BBS9: variants seen among roughly 807,000 people sequenced by gnomAD.
BBS9 encodes the protein protein PTHB1.
A neutral mutation model predicts 117.7 loss-of-function variants in BBS9; 89 were observed. That is an observed-to-expected ratio of 0.76 (90% CI 0.64 to 0.90). The LOEUF is 0.90. Ranked by LOEUF, BBS9 falls within the 40% of genes least tolerant of loss-of-function variation. The pLI is 0.00. For synonymous variants in BBS9, 379 were observed against 370.9 expected, an observed-to-expected ratio of 1.02 and a Z score of -0.25; for missense variants, 982 against 1,042.2, an observed-to-expected ratio of 0.94 and a Z score of 0.80.
At chr7:33,501,059 A>G (rs1845376593) in intron 19 of BBS9, among the ~76,000 whole-genome samples, 1 of 152,156 alleles carries the variant, frequency 6.6e-6, no homozygotes, top group Non-Finnish European at 1.5e-5. Flanking sequence ...AGTTCTGTTG[A>G]ACACTAGGGA....
chr7:33,563,164 T>C (rs1041568141), intron 21 of BBS9, among the ~76,000 whole-genome samples: 1 of 152,186 alleles, frequency 6.6e-6, no homozygotes, highest in African/African-American at 2.4e-5. Context: ...GAGTCATCTC[T>C]GGTGTCAAAA....
At chr7:33,176,603 T>C (rs1395049816) in intron 4 of BBS9, among the ~76,000 whole-genome samples, 1 of 152,196 alleles carries the variant, frequency 6.6e-6, no homozygotes, top group Non-Finnish European at 1.5e-5. Context: ...AATGCTCCTA[T>C]ATAAATTTAT....
At chr7:33,602,790 C>T (rs889952784) in intron 21 of BBS9, among the ~76,000 whole-genome samples, 1 of 152,090 alleles carries the variant, frequency 6.6e-6, no homozygotes, top group African/African-American at 2.4e-5. Context: ...GGCTGGTCAG[C>T]CCTTGCTGTG....
At chr7:33,169,126 C>A (rs1796133235) in intron 4 of BBS9, among the ~76,000 whole-genome samples, 1 of 149,372 alleles carries the variant, frequency 6.7e-6, no homozygotes, top group African/African-American at 2.5e-5. Context: ...CATGTCCCTA[C>A]AAAGGACATG....
At chr7:33,238,869 C>A (rs532444791) in intron 5 of BBS9, among the ~76,000 whole-genome samples, 36 of 152,106 alleles carry the variant, frequency 2.4e-4, no homozygotes, top group African/African-American at 8.0e-4. Flanking sequence ...TCTAAATGGT[C>A]GTAAAGAATT....
At chr7:33,343,570 C>T (rs1816950788) in intron 11 of BBS9, among the ~76,000 whole-genome samples, 1 of 152,022 alleles carries the variant, frequency 6.6e-6, no homozygotes, top group South Asian at 2.1e-4. Context: ...GTGATCTGGG[C>T]TCACTGCAAC....
intron 1 of BBS9, among the ~76,000 whole-genome samples, chr7:33,143,901 G>T (rs1791935989): frequency 8.2e-6 from 1 of 121,870 alleles, no homozygotes; most frequent in Admixed American, 8.4e-5. Context: ...GTCTGTTCAG[G>T]TTCTTTTGCC....
At chr7:33,367,500 G>A (rs1042956444) in intron 16 of BBS9, among the ~76,000 whole-genome samples, 7 of 152,112 alleles carry the variant, frequency 4.6e-5, no homozygotes, top group African/African-American at 1.7e-4. Flanking sequence ...GATATTCTAA[G>A]TTCATCTTGC....
At chr7:33,367,934 A>G (rs373999759) in intron 17 of BBS9, 72 bp downstream of exon 17, 2 of 1,180,746 alleles carry the variant, frequency 1.7e-6, no homozygotes, top group East Asian at 2.3e-5. Context: ...GGATACTCAC[A>G]TCAATAATTC....
chr7:33,262,075 C>G (rs905232521), intron 6 of BBS9, among the ~76,000 whole-genome samples: 2 of 152,018 alleles, frequency 1.3e-5, no homozygotes, highest in Non-Finnish European at 2.9e-5. Context: ...AAGGAAGAAC[C>G]ATAAAATAGA....
intron 21 of BBS9, among the ~76,000 whole-genome samples, chr7:33,554,263 A>G (rs1370377131): frequency 1.3e-5 from 2 of 152,172 alleles, no homozygotes. Context: ...CAGACATTAC[A>G]TAATTTGATT....
intron 21 of BBS9, among the ~76,000 whole-genome samples, chr7:33,597,011 A>G (rs749247986): frequency 8.4e-4 from 127 of 152,054 alleles, no homozygotes; most frequent in Non-Finnish European, 1.5e-3. Context: ...CAGAAAATTT[A>G]TACATGTCTA....
rs186371469 is a variant in BBS9, at chr7:33,389,545, C to T, written c.2115+1401C>T. ...TCTACTAAAAATTCAAACAATTAGC[C>T]GGGCATGGTGGCAGGCACCCATAAT... is the stretch of plus-strand genomic sequence containing the variant. On this transcript the variant is annotated intron_variant, in intron 19 of 22. Transcript: ENST00000242067. Among the ~76,000 whole-genome samples the T allele has an allele frequency of 4.0e-4, 61 of 151,800 alleles. 1 individual carries two copies. In the East Asian group the frequency reaches 0.01, roughly 26 times the overall value.
intron 21 of BBS9, among the ~76,000 whole-genome samples, chr7:33,545,848 T>C (rs1853241615): frequency 6.6e-6 from 1 of 151,876 alleles, no homozygotes; most frequent in Non-Finnish European, 1.5e-5. Flanking sequence ...CATATCCTTC[T>C]AGACTTTTTT....
At chr7:33,434,239 C>A (rs1834953817) in intron 19 of BBS9, among the ~76,000 whole-genome samples, 1 of 148,332 alleles carries the variant, frequency 6.7e-6, no homozygotes, top group Non-Finnish European at 1.5e-5. Flanking sequence ...TATTGCCAAA[C>A]AACTTTCTAA....
At chr7:33,368,609 CA>C (rs1243271330) in intron 17 of BBS9, among the ~76,000 whole-genome samples, 4 of 144,088 alleles carry the variant, frequency 2.8e-5, no homozygotes, top group African/African-American at 1.0e-4. Flanking sequence ...CACACACACA[CA>C]CACACACCCA....
intron 21 of BBS9, among the ~76,000 whole-genome samples, chr7:33,629,695 T>C (rs1309723445): frequency 6.6e-6 from 1 of 152,244 alleles, no homozygotes; most frequent in Non-Finnish European, 1.5e-5. Flanking sequence ...CACTGAACTT[T>C]GTCAGAAATA....
At chr7:33,138,896 A>G (rs1192442659) in intron 1 of BBS9, among the ~76,000 whole-genome samples, 3 of 151,206 alleles carry the variant, frequency 2.0e-5, no homozygotes, top group Non-Finnish European at 4.4e-5. Context: ...GCCAAGAAGG[A>G]TGTAAATGAT....
intron 21 of BBS9, among the ~76,000 whole-genome samples, chr7:33,627,648 C>A (rs530625318): frequency 6.6e-5 from 10 of 152,204 alleles, no homozygotes; most frequent in African/African-American, 2.4e-4. Context: ...AGGAGCCCAC[C>A]CCTTGCATCA....
Sources: gnomAD v4.1 joint callset for allele counts (sites outside exome capture counted in the v4.1 genomes callset) on GRCh38, gnomAD v4.1.1 for gene constraint, MANE v1.5 for transcripts, NCBI Gene and HGNC (gene_info 2026-07-23, HGNC 2026-07-21) for gene names.